The following RPSA2 variants were observed in gnomAD, a reference collection of about 807,000 sequenced individuals.
The protein encoded by RPSA2 is small ribosomal subunit protein uS2B.
chr19:23,786,387 T>A, the RPSA2 span, among the ~76,000 whole-genome samples: 151 of 152,284 alleles, frequency 9.9e-4, no homozygotes, highest in African/African-American at 3.2e-3. Context: ...GGTCCCAGTC[T>A]GAAGATAAGA....
the RPSA2 span, among the ~76,000 whole-genome samples, chr19:23,866,691 A>G: frequency 7.9e-4 from 120 of 152,200 alleles, no homozygotes; most frequent in East Asian, 0.021. Flanking sequence ...TTCAGACCAC[A>G]ACCCCACTTC....
At chr19:23,759,009 G>A in the RPSA2 span, 1 of 566,386 alleles carries the variant, frequency 1.8e-6, no homozygotes, top group Non-Finnish European at 3.1e-6. Flanking sequence ...CTCAGGTCCT[G>A]AGTGACAGAA....
At chr19:23,803,488 A>G in the RPSA2 span, among the ~76,000 whole-genome samples, 1 of 152,212 alleles carries the variant, frequency 6.6e-6, no homozygotes, top group Admixed American at 6.6e-5. Context: ...TGATTCACAA[A>G]TCACAAAATA....
chr19:23,828,999 C>G, the RPSA2 span, among the ~76,000 whole-genome samples: 1 of 151,488 alleles, frequency 6.6e-6, no homozygotes, highest in African/African-American at 2.4e-5. Context: ...GTGAATGAAT[C>G]TATTATTTTT....
chr19:23,796,251 G>T, the RPSA2 span, among the ~76,000 whole-genome samples: 1 of 152,286 alleles, frequency 6.6e-6, no homozygotes, highest in African/African-American at 2.4e-5. Context: ...TTCTGTTTAT[G>T]TGATGAATCA....
chr19:23,836,949 G>A, the RPSA2 span, among the ~76,000 whole-genome samples: 1 of 152,098 alleles, frequency 6.6e-6, no homozygotes, highest in Non-Finnish European at 1.5e-5. Flanking sequence ...CTATTCTGCT[G>A]ACTGTTCCTT....
the RPSA2 span, among the ~76,000 whole-genome samples, chr19:23,811,563 C>T: frequency 6.6e-6 from 1 of 151,068 alleles, no homozygotes; most frequent in Non-Finnish European, 1.5e-5. Context: ...TAAATTTTTA[C>T]TTTATTTTCT....
At chr19:23,783,992 T>C in the RPSA2 span, among the ~76,000 whole-genome samples, 5 of 152,264 alleles carry the variant, frequency 3.3e-5, no homozygotes, top group East Asian at 9.7e-4. Context: ...TCGGGGAAGA[T>C]TGTGACATAA....
At chr19:23,788,636 C>T in the RPSA2 span, among the ~76,000 whole-genome samples, 1 of 152,146 alleles carries the variant, frequency 6.6e-6, no homozygotes, top group Non-Finnish European at 1.5e-5. Flanking sequence ...TCGTCAGCCT[C>T]TACCCTGCCA....
chr19:23,858,853 A>T, the RPSA2 span, among the ~76,000 whole-genome samples: 1 of 152,188 alleles, frequency 6.6e-6, no homozygotes, highest in Non-Finnish European at 1.5e-5. Context: ...TGCACTCTGT[A>T]AATGTCCACA....
At chr19:23,863,388 AC>A in the RPSA2 span, among the ~76,000 whole-genome samples, 1 of 152,028 alleles carries the variant, frequency 6.6e-6, no homozygotes, top group African/African-American at 2.4e-5. Context: ...ACATGGTGAA[AC>A]CCTATCTCTG....
the RPSA2 span, among the ~76,000 whole-genome samples, chr19:23,777,896 G>A: frequency 6.6e-6 from 1 of 152,222 alleles, no homozygotes; most frequent in East Asian, 1.9e-4. Flanking sequence ...ACATGTCTTT[G>A]TGCCAATCAC....
the RPSA2 span, among the ~76,000 whole-genome samples, chr19:23,867,536 C>G: frequency 1.5e-4 from 1 of 6,468 alleles, no homozygotes; most frequent in South Asian, 0.083. Context: ...GAAAGACAGA[C>G]AAAAAAGACT....
chr19:23,761,918 T>TCCTTCCTTCCTTCCTTCCTTCCTTCCC, the RPSA2 span, among the ~76,000 whole-genome samples: 1 of 94,916 alleles, frequency 1.1e-5, no homozygotes, highest in African/African-American at 4.4e-5. Flanking sequence ...CTTTCTTTCT[T>TCCTTCCTTCCTTCCTTCCTTCCTTCCC]TCTTTTTTTT....
At chr19:23,863,050 C>T in the RPSA2 span, among the ~76,000 whole-genome samples, 12,100 of 152,062 alleles carry the variant, frequency 0.08, 651 homozygotes, top group South Asian at 0.2. Flanking sequence ...GTAGCTAGTG[C>T]TCAATAACTG....
At chr19:23,801,666 A>AACCAAT in the RPSA2 span, among the ~76,000 whole-genome samples, 1 of 152,224 alleles carries the variant, frequency 6.6e-6, no homozygotes, top group South Asian at 2.1e-4. Flanking sequence ...GTATAAGTTA[A>AACCAAT]ACCAATAATA....
At chr19:23,768,234 G>T in the RPSA2 span, among the ~76,000 whole-genome samples, 24 of 152,106 alleles carry the variant, frequency 1.6e-4, no homozygotes, top group South Asian at 4.8e-3. Flanking sequence ...AACCCCAGGG[G>T]TTTGCTTTGA....
At chr19:23,841,736 C>T in the RPSA2 span, among the ~76,000 whole-genome samples, 2 of 152,142 alleles carry the variant, frequency 1.3e-5, no homozygotes, top group Non-Finnish European at 2.9e-5. Context: ...TACTCTCTCT[C>T]CTCCTCCTGT....
At chr19:23,867,102 T>A in the RPSA2 span, among the ~76,000 whole-genome samples, 1 of 152,144 alleles carries the variant, frequency 6.6e-6, no homozygotes, top group African/African-American at 2.4e-5. Context: ...GCAAAATCTA[T>A]CTATTCCAAC....
Sources: gnomAD v4.1 joint callset for allele counts (sites outside exome capture counted in the v4.1 genomes callset) on GRCh38, gnomAD v4.1.1 for gene constraint, MANE v1.5 for transcripts, NCBI Gene and HGNC (gene_info 2026-07-23, HGNC 2026-07-21) for gene names.